The following MACC1 variants were observed in gnomAD, a reference collection of about 807,000 sequenced individuals.
MACC1 encodes the protein MET transcriptional regulator MACC1.
Under a neutral mutation model 70.7 loss-of-function variants are expected in MACC1, and 79 were observed. The observed-to-expected ratio is 1.12, with a 90% CI of 0.93 to 1.35. The LOEUF (loss-of-function observed/expected upper bound fraction) is 1.35, where lower values mean the gene tolerates loss of function less well. MACC1 is among the 40% of genes most tolerant of loss of function. The pLI, the probability that MACC1 is intolerant of heterozygous loss-of-function variation, is 0.00. For synonymous variants in MACC1, 361 were observed against 347.2 expected, an observed-to-expected ratio of 1.04 and a Z score of -0.44; for missense variants, 1,106 against 978.1, an observed-to-expected ratio of 1.13 and a Z score of -1.74.
rs1783087511 is a variant in MACC1 at position 20,217,348 on chromosome 7, T to C, written c.-267A>G. 1 of 152,226 alleles carries C rather than the reference T, an allele frequency of 6.6e-6. No individual in the cohort carries two copies. The highest frequency in any genetic ancestry group is 1.5e-5 in the Non-Finnish European group (1 of 68,044). 9.4% of individuals were successfully genotyped at this position (152,226 alleles called of 1,614,324 possible). On this transcript the variant is annotated 5_prime_UTR_variant, in exon 1 of 7. Coordinates refer to ENST00000400331, the MANE Select transcript of MACC1 (RefSeq NM_182762.4). ...CTTCAGTTCAGACACATGGTTTTAGTGAATAGAAGTCACTCTACCAAACCC... is the reference window on the plus strand; with the variant it reads ...CTTCAGTTCAGACACATGGTTTTAGCGAATAGAAGTCACTCTACCAAACCC...
At chr7:20,150,369 T>C (rs1781957375) in intron 6 of MACC1, 1 of 152,226 alleles carries the variant, frequency 6.6e-6, no homozygotes, top group Non-Finnish European at 1.5e-5. Flanking sequence ...CCATGTGGAA[T>C]TCATTCACTT....
chr7:20,153,644 C>T (rs1335488353), intron 6 of MACC1: 2 of 152,298 alleles, frequency 1.3e-5, no homozygotes, highest in African/African-American at 2.4e-5. Flanking sequence ...TAAGTGCTAA[C>T]ATTCTGCAAC....
chr7:20,211,841 C>A (rs1030882256), intron 1 of MACC1, among the ~76,000 whole-genome samples: 1 of 151,920 alleles, frequency 6.6e-6, no homozygotes, highest in Non-Finnish European at 1.5e-5. Flanking sequence ...CTTATGATAG[C>A]AAAATGCCAT....
intron 1 of MACC1, among the ~76,000 whole-genome samples, chr7:20,197,961 C>T (rs1782779919): frequency 6.6e-6 from 1 of 152,062 alleles, no homozygotes; most frequent in Admixed American, 6.5e-5. Flanking sequence ...GTAATAAAAA[C>T]CATTTCAACA....
At chr7:20,177,381 G>A (rs1782409983) in intron 1 of MACC1, among the ~76,000 whole-genome samples, 1 of 152,046 alleles carries the variant, frequency 6.6e-6, no homozygotes, top group Non-Finnish European at 1.5e-5. Context: ...TTCTGTTGAT[G>A]TGATAAAATC....
At chr7:20,182,453 G>A (rs2128106018) in intron 1 of MACC1, among the ~76,000 whole-genome samples, 1 of 152,180 alleles carries the variant, frequency 6.6e-6, no homozygotes, top group East Asian at 1.9e-4. Context: ...TCCCATGAAT[G>A]CCTCCTGATT....
intron 6 of MACC1, among the ~76,000 whole-genome samples, chr7:20,144,184 C>T (rs2128100164): frequency 6.6e-6 from 1 of 152,138 alleles, no homozygotes; most frequent in East Asian, 1.9e-4. Context: ...GGTTTATTAT[C>T]TTCCACTACA....
At chr7:20,173,274 G>A (rs565643791) in intron 1 of MACC1, among the ~76,000 whole-genome samples, 17 of 152,320 alleles carry the variant, frequency 1.1e-4, no homozygotes, top group African/African-American at 3.6e-4. Context: ...TATGGCAGCT[G>A]AAGATGCCCA....
At chr7:20,200,463 A>G (rs766000824) in intron 1 of MACC1, among the ~76,000 whole-genome samples, 6 of 152,244 alleles carry the variant, frequency 3.9e-5, no homozygotes, top group Non-Finnish European at 5.9e-5. Context: ...TTTACTGGTC[A>G]TAACGACAAA....
At chr7:20,143,155 A>G (rs377399690) in intron 6 of MACC1, among the ~76,000 whole-genome samples, 3 of 152,330 alleles carry the variant, frequency 2.0e-5, no homozygotes, top group South Asian at 4.1e-4. Flanking sequence ...AAAGCTCTGT[A>G]TCTATGGCCT....
At chr7:20,175,570 A>G (rs1168376246) in intron 1 of MACC1, among the ~76,000 whole-genome samples, 2 of 152,148 alleles carry the variant, frequency 1.3e-5, no homozygotes, top group East Asian at 3.8e-4. Flanking sequence ...GCATATATGC[A>G]TATATGTTCA....
intron 1 of MACC1, among the ~76,000 whole-genome samples, chr7:20,195,047 G>C (rs1396072658): frequency 6.6e-6 from 1 of 151,958 alleles, no homozygotes; most frequent in African/African-American, 2.4e-5. Context: ...TATTCTCAAA[G>C]TCTGGGGATA....
chr7:20,180,621 G>A (rs1346340691), intron 1 of MACC1, among the ~76,000 whole-genome samples: 2 of 152,238 alleles, frequency 1.3e-5, no homozygotes, highest in East Asian at 3.9e-4. Context: ...AAGGTGGGTG[G>A]ATCACTTGAG....
Position 20,139,774 on chromosome 7 carries a change from C to A in MACC1, c.*1172G>T, listed in dbSNP as rs964563766. On this transcript the variant is annotated 3_prime_UTR_variant, in exon 7 of 7. Coordinates refer to ENST00000400331, the MANE Select transcript of MACC1 (RefSeq NM_182762.4). ...ATTTATACTGACCCAGGGTCCTATACAATTTTTGTCCTATATAATCAATTA... is the reference window on the plus strand; with the variant it reads ...ATTTATACTGACCCAGGGTCCTATAAAATTTTTGTCCTATATAATCAATTA... 1.3e-5 allele frequency: 2 copies of A among 151,614 alleles called. No homozygotes were observed. The highest frequency in any genetic ancestry group is 4.9e-5 in the African/African-American group (2 of 41,236). The allele number at this position is 151,614 out of a possible 1,614,324, so 9.4% of individuals were successfully genotyped here. A position where few individuals can be genotyped will look rare whatever the true frequency, so the allele number is the denominator to read the frequency against.
chr7:20,141,173 A>T lies in MACC1; in HGVS notation c.2347-15T>A. On this transcript the variant is annotated splice_polypyrimidine_tract_variant and intron_variant, in intron 6 of 6. Transcript: ENST00000400331. Reference sequence around the variant, plus strand: ...TTCCACATCATCTATAAAGAAAAAAAATAGATTGGAGTAGTGTGGAAGTAG... The same window carrying T: ...TTCCACATCATCTATAAAGAAAAAATATAGATTGGAGTAGTGTGGAAGTAG... 1 of 1,543,550 alleles carries T rather than the reference A, an allele frequency of 6.5e-7. No individual in the cohort carries two copies.
intron 1 of MACC1, among the ~76,000 whole-genome samples, chr7:20,200,539 A>C (rs1466788286): frequency 6.6e-6 from 1 of 152,240 alleles, no homozygotes; most frequent in Non-Finnish European, 1.5e-5. Context: ...TAATTACAGG[A>C]AGTTTTTAGT....
At chr7:20,169,719 G>A (rs1207199540) in intron 2 of MACC1, among the ~76,000 whole-genome samples, 1 of 152,170 alleles carries the variant, frequency 6.6e-6, no homozygotes, top group Non-Finnish European at 1.5e-5. Context: ...TATAAACTTG[G>A]AAAGATACTG....
At chr7:20,177,233 T>C (rs78083300) in intron 1 of MACC1, among the ~76,000 whole-genome samples, 2,210 of 152,292 alleles carry the variant, frequency 0.015, 58 homozygotes, top group African/African-American at 0.05. Context: ...AAGCACAGAA[T>C]GTCTGAAATT....
intron 1 of MACC1, among the ~76,000 whole-genome samples, chr7:20,177,067 T>G (rs529426633): frequency 6.6e-6 from 1 of 152,286 alleles, no homozygotes; most frequent in South Asian, 2.1e-4. Context: ...CTTGTACAAG[T>G]GTCAATTTCC....
Sources: allele counts gnomAD v4.1 joint callset (sites outside exome capture counted in the v4.1 genomes callset), GRCh38; gene constraint gnomAD v4.1.1; transcripts MANE v1.5; gene names NCBI Gene and HGNC (gene_info 2026-07-23, HGNC 2026-07-21).